Variants in ADH1C observed in about 807,000 individuals in gnomAD.
ADH1C encodes the protein alcohol dehydrogenase 1C (class I), gamma polypeptide.
In ADH1C, 26 loss-of-function variants were observed where a neutral mutation model predicts 35.0. The observed-to-expected ratio is 0.74, with a 90% CI of 0.54 to 1.03. The LOEUF (loss-of-function observed/expected upper bound fraction) is 1.03, where lower values mean the gene tolerates loss of function less well. ADH1C is among the 50% of genes least tolerant of loss of function. ADH1C has a pLI of 0.00. For missense variants in ADH1C, 413 were observed against 465.4 expected, an observed-to-expected ratio of 0.89 and a Z score of 1.04; for synonymous variants, 170 against 169.3, an observed-to-expected ratio of 1.00 and a Z score of -0.03.
At chr4:99,343,126 C>A in intron 5 of ADH1C, 71 bp from the exon 6 acceptor site, 2 of 1,564,762 alleles carry the variant, frequency 1.3e-6, no homozygotes, top group Admixed American at 1.8e-5. Flanking sequence ...TTATAAAGTG[C>A]CATGTCTTGT....
chr4:99,340,725 A>G lies in ADH1C; in HGVS notation c.829-15T>C, dbSNP rs776942808. ...AGGGAAGCCATCTGGAATAAAGTGAACATTTAGTATCCTTAACGTGGAGTG... is the reference window on the plus strand; with the variant it reads ...AGGGAAGCCATCTGGAATAAAGTGAGCATTTAGTATCCTTAACGTGGAGTG... On this transcript the variant is annotated splice_polypyrimidine_tract_variant and intron_variant, in intron 6 of 8. Transcript: ENST00000515683. 1.2e-6 allele frequency: 2 copies of G among 1,612,234 alleles called. No homozygotes were observed. The highest frequency in any genetic ancestry group is 1.7e-6 in the Non-Finnish European group (2 of 1,179,946).
At position 99,339,620 on chromosome 4, in the gene ADH1C, CA is replaced by C; in HGVS notation, c.1059del (p.Phe353LeufsTer4). 6.3e-7 allele frequency: 1 copy of C among 1,582,274 alleles called. No individual in the cohort carries two copies. The highest frequency in any genetic ancestry group is 1.1e-5 in the South Asian group (1 of 88,822). ...LDALITNILP[F>X]EKINEGFDLL... ...AGGTCAAATCCTTCATTTATTTTTT[CA>C]AAAGGTAAAATATTTGTTATTAATG... On this transcript the variant is annotated frameshift_variant, in exon 8 of 9. Coordinates refer to ENST00000515683, the MANE Select transcript of ADH1C (RefSeq NM_000669.5). LOFTEE classifies it high-confidence loss of function.
intron 1 of ADH1C, among the ~76,000 whole-genome samples, chr4:99,352,320 C>T (rs1329724357): frequency 1.3e-5 from 2 of 152,042 alleles, no homozygotes; most frequent in Non-Finnish European, 2.9e-5. Context: ...TTTAGGTTTA[C>T]AAATCAGTCA....
chr4:99,344,849 T>C lies in ADH1C; in HGVS notation c.567+13A>G. 1 of 1,614,122 alleles carries C rather than the reference T, an allele frequency of 6.2e-7. No individual in the cohort carries two copies. The highest frequency in any genetic ancestry group is 8.5e-7 in the Non-Finnish European group (1 of 1,180,004). ...TGCGTGTAACCGGTTTTATCATCCA[T>C]TGTCATTTCTACCTTGGCAACTTTG... is the stretch of plus-strand genomic sequence containing the variant. On this transcript the variant is annotated intron_variant, in intron 5 of 8. Transcript: ENST00000515683.
Position 99,348,368 on chromosome 4 carries a change from T to C in ADH1C, c.19-522A>G, listed in dbSNP as rs1387541187. Among the ~76,000 whole-genome samples the C allele has an allele frequency of 5.3e-5, 8 of 150,484 alleles. 1 individual carries two copies. In the South Asian group the frequency reaches 1.1e-3, roughly 20 times the overall value. On this transcript the variant is annotated intron_variant, in intron 1 of 8. Coordinates refer to ENST00000515683, the MANE Select transcript of ADH1C (RefSeq NM_000669.5). ...TTCAATTTCCACCTATGAGTGAGAATATGCGGTGTTTGGTTTTTTGTTCTT... is the reference window on the plus strand; with the variant it reads ...TTCAATTTCCACCTATGAGTGAGAACATGCGGTGTTTGGTTTTTTGTTCTT...
At chr4:99,347,188 A>G (rs778739003) in intron 2 of ADH1C, 44 bp from the exon 3 acceptor site, 2 of 1,591,638 alleles carry the variant, frequency 1.3e-6, no homozygotes, top group Admixed American at 3.7e-5. Flanking sequence ...AAAGATTATG[A>G]CTGTCAGATG....
intron 8 of ADH1C, 54 bp from the exon 9 acceptor site, chr4:99,336,830 C>A: frequency 6.2e-7 from 1 of 1,607,080 alleles, no homozygotes; most frequent in Non-Finnish European, 8.5e-7. Flanking sequence ...CCACATGCTT[C>A]CATGTGATAG....
chr4:99,349,268 G>A (rs564896515), intron 1 of ADH1C, among the ~76,000 whole-genome samples: 9 of 149,054 alleles, frequency 6.0e-5, no homozygotes, highest in South Asian at 2.2e-4. Context: ...TAGGTCTAAC[G>A]TTTAAGTCTT....
intron 1 of ADH1C, among the ~76,000 whole-genome samples, chr4:99,348,250 A>G (rs1401871581): frequency 1.4e-5 from 2 of 147,074 alleles, no homozygotes; most frequent in South Asian, 2.3e-4. Context: ...AGCATTAGGT[A>G]TATCTCCCAA....
In ADH1C at chr4:99,345,253, G is replaced by A. The variant is rs763747241; in HGVS notation, c.273C>T (p.Ile91=). The A allele has an allele frequency of 6.2e-6, 10 of 1,613,826 alleles. No homozygotes were observed. The highest frequency in any genetic ancestry group is 8.5e-6 in the Non-Finnish European group (10 of 1,179,800). The change falls in exon 4 of 9, where the codon ATC becomes ATT. Residue 91 remains isoleucine, a synonymous_variant. Coordinates refer to ENST00000515683, the MANE Select transcript of ADH1C (RefSeq NM_000669.5). ...TTCCACACTGAGGAGTAAAGAGCGG[G>A]ATGACTTTATCACCTGCAGAGGAAT... is the stretch of plus-strand genomic sequence containing the variant. ...VTTVKPGDKV[I]PLFTPQCGKC...
chr4:99,344,111 G>C (rs1734473233), intron 5 of ADH1C, among the ~76,000 whole-genome samples: 1 of 152,144 alleles, frequency 6.6e-6, no homozygotes, highest in Non-Finnish European at 1.5e-5. Flanking sequence ...AGATATTTTA[G>C]TCTTAGTGCT....
intron 3 of ADH1C, 97 bp from the exon 4 acceptor site, chr4:99,345,363 T>A: frequency 7.9e-7 from 1 of 1,263,610 alleles, no homozygotes; most frequent in Non-Finnish European, 1.1e-6. Flanking sequence ...ATTATGTGTC[T>A]GAAAAGTTTC....
rs757354662 is a variant in ADH1C at position 99,336,771 on chromosome 4, C to T, written c.1109G>A (p.Arg370His). Reference protein sequence around the residue: ...FDLLRSGKSIRTVLTF With the variant: ...FDLLRSGKSIHTVLTF ...ATTGTTTCAAAACGTCAGGACGGTA[C>T]GGATACTGCAATAGGAAAGAAGAGA... Residue 370 changes from arginine (R) to histidine (H), a missense_variant, in exon 9 of 9, where the codon CGT (arginine) becomes CAT (histidine). Transcript: ENST00000515683. The T allele has an allele frequency of 1.3e-5, 21 of 1,613,504 alleles. No individual in the cohort carries two copies. The East Asian group carries it at 1.3e-4, about 10-fold the overall frequency.
chr4:99,344,773 A>G (rs35733876), intron 5 of ADH1C, 89 bp downstream of exon 5: 1 of 1,539,870 alleles, frequency 6.5e-7, no homozygotes, highest in East Asian at 2.3e-5. Context: ...ATCTACAAAA[A>G]TAATTTCTGA....
At chr4:99,351,245 A>T (rs1397058674) in intron 1 of ADH1C, 1 of 152,204 alleles carries the variant, frequency 6.6e-6, no homozygotes, top group Admixed American at 6.5e-5. Context: ...GCTAATATTT[A>T]TTGACTTATT....
chr4:99,351,180 C>A (rs1476393744), intron 1 of ADH1C: 1 of 152,050 alleles, frequency 6.6e-6, no homozygotes, highest in Non-Finnish European at 1.5e-5. Context: ...CTCACGTTTT[C>A]TGTACTCCGT....
chr4:99,339,891 A>G (rs1196410140), intron 7 of ADH1C, among the ~76,000 whole-genome samples, 176 bp from the exon 8 acceptor site: 1 of 152,130 alleles, frequency 6.6e-6, no homozygotes, highest in Non-Finnish European at 1.5e-5. Flanking sequence ...CACAAAAAAA[A>G]TCACAGATAA....
chr4:99,347,597 A>ATTTATG (rs1226807410), intron 2 of ADH1C, 148 bp downstream of exon 2: 6 of 901,282 alleles, frequency 6.7e-6, no homozygotes, highest in Non-Finnish European at 9.3e-6. Flanking sequence ...AAATTTAACA[A>ATTTATG]TTTATACTTT....
At chr4:99,339,077 G>T (rs1222949159) in intron 8 of ADH1C, among the ~76,000 whole-genome samples, 2 of 151,804 alleles carry the variant, frequency 1.3e-5, no homozygotes, top group Non-Finnish European at 2.9e-5. Flanking sequence ...GAAAAGAAAA[G>T]AAAAAGGAAA....
Sources: gnomAD v4.1 joint callset for allele counts (sites outside exome capture counted in the v4.1 genomes callset) on GRCh38, gnomAD v4.1.1 for gene constraint, MANE v1.5 for transcripts, NCBI Gene and HGNC (gene_info 2026-07-23, HGNC 2026-07-21) for gene names.